Variants in IKBKB observed in about 807,000 individuals in gnomAD.
The protein encoded by IKBKB is inhibitor of nuclear factor kappa-B kinase subunit beta.
Under a neutral mutation model 113.6 loss-of-function variants are expected in IKBKB, and 42 were observed. That is an observed-to-expected ratio of 0.37 (90% CI 0.29 to 0.48). The LOEUF is 0.48. Among genes scored for constraint, IKBKB ranks in the 20% least tolerant of loss-of-function variants. IKBKB has a pLI of 0.99. For missense variants in IKBKB, 673 were observed against 939.7 expected (o/e 0.72, Z 3.71); for synonymous variants, 296 against 361.3 (o/e 0.82, Z 2.05).
intron 19 of IKBKB, among the ~76,000 whole-genome samples, chr8:42,323,868 T>C (rs901416798): frequency 6.6e-6 from 1 of 152,146 alleles, no homozygotes; most frequent in African/African-American, 2.4e-5. Flanking sequence ...ATTTACTGAA[T>C]GCTAACTATA....
Position 42,331,256 on chromosome 8 carries a change from T to C in IKBKB, c.*277T>C. The C allele has an allele frequency of 1.4e-6, 1 of 703,056 alleles. No homozygotes were observed. The allele number at this position is 703,056 out of a possible 1,614,324, so 43.6% of individuals were successfully genotyped here. A position where few individuals can be genotyped will look rare whatever the true frequency, so the allele number is the denominator to read the frequency against. Reference sequence around the variant, plus strand: ...CGGCGCCTTGTCTGCACACTGGAGGTCCTCCATTACAGAGGCCCAGCGCAC... The same window carrying C: ...CGGCGCCTTGTCTGCACACTGGAGGCCCTCCATTACAGAGGCCCAGCGCAC... On this transcript the variant is annotated 3_prime_UTR_variant, in exon 22 of 22. Transcript: ENST00000520810.
intron 20 of IKBKB, among the ~76,000 whole-genome samples, chr8:42,327,374 C>A (rs1820964271): frequency 7.6e-6 from 1 of 131,776 alleles, no homozygotes; most frequent in African/African-American, 2.7e-5. Context: ...TGCTCTGTTG[C>A]CCAGGCTGGA....
intron 5 of IKBKB, among the ~76,000 whole-genome samples, chr8:42,298,781 CCTCT>C (rs1047252578): frequency 3.3e-5 from 5 of 152,094 alleles, no homozygotes; most frequent in African/African-American, 1.2e-4. Flanking sequence ...GCCCCGTCTC[CCTCT>C]AACAACTCCA....
At chr8:42,272,718 T>A (rs998461855) in intron 2 of IKBKB, among the ~76,000 whole-genome samples, 2 of 151,874 alleles carry the variant, frequency 1.3e-5, no homozygotes, top group Non-Finnish European at 2.9e-5. Flanking sequence ...GGCAGGCGGA[T>A]CACGCAGTCA....
Position 42,326,028 on chromosome 8 carries a change from G to C in IKBKB, c.2045G>C (p.Ser682Thr). The change falls in exon 20 of 22, where the codon AGC becomes ACC. Residue 682 changes from serine (S) to threonine (T), a missense_variant. Around this residue, in one of 2 missense-constraint regions of IKBKB, gnomAD observed 506 missense variants for 638.7 expected, o/e 0.79. Coordinates refer to ENST00000520810, the MANE Select transcript of IKBKB (RefSeq NM_001556.3). ...SPDSMNASRLSQPGQLMSQPS... is the reference protein window; with the variant it reads ...SPDSMNASRLTQPGQLMSQPS... ...GATAGCATGAATGCCTCTCGACTTAGCCAGCCTGGGCAGCTGATGTCTCAG... is the reference window on the plus strand; with the variant it reads ...GATAGCATGAATGCCTCTCGACTTACCCAGCCTGGGCAGCTGATGTCTCAG... 1 of 1,614,234 alleles carries C rather than the reference G, an allele frequency of 6.2e-7. No individual in the cohort carries two copies. The highest frequency in any genetic ancestry group is 1.1e-5 in the South Asian group (1 of 91,090).
intron 12 of IKBKB, among the ~76,000 whole-genome samples, chr8:42,318,229 G>A (rs1819058802): frequency 6.6e-6 from 1 of 151,326 alleles, no homozygotes; most frequent in Admixed American, 6.6e-5. Flanking sequence ...CCCACTGCAT[G>A]CCAGCCTGGG....
chr8:42,327,132 C>T (rs1820895639), intron 20 of IKBKB, among the ~76,000 whole-genome samples: 1 of 152,180 alleles, frequency 6.6e-6, no homozygotes. Context: ...TCAATACAGT[C>T]TGCTTTGAAG....
intron 11 of IKBKB, among the ~76,000 whole-genome samples, chr8:42,317,453 G>T (rs959121801): frequency 6.6e-6 from 1 of 152,176 alleles, no homozygotes; most frequent in Admixed American, 6.5e-5. Flanking sequence ...GAGTAAAATA[G>T]AATGTAATAC....
intron 5 of IKBKB, among the ~76,000 whole-genome samples, chr8:42,304,151 C>T (rs1213503209): frequency 1.3e-5 from 2 of 152,248 alleles, no homozygotes; most frequent in African/African-American, 2.4e-5. Context: ...TATTCTTGTT[C>T]GTTTCCAGAC....
At chr8:42,314,919 T>C (rs1818392351) in intron 9 of IKBKB, among the ~76,000 whole-genome samples, 1 of 152,206 alleles carries the variant, frequency 6.6e-6, no homozygotes, top group African/African-American at 2.4e-5. Flanking sequence ...TCCTCCCTTA[T>C]CTCCCTAGAA....
At chr8:42,279,908 G>A (rs1392633468) in intron 2 of IKBKB, among the ~76,000 whole-genome samples, 1 of 152,184 alleles carries the variant, frequency 6.6e-6, no homozygotes, top group East Asian at 1.9e-4. Flanking sequence ...GAGTGCAGTG[G>A]CTCGATCAGG....
chr8:42,322,214 CT>C (rs1411225182), intron 18 of IKBKB, 61 bp downstream of exon 18: 1 of 1,556,094 alleles, frequency 6.4e-7, no homozygotes, highest in Non-Finnish European at 8.9e-7. Context: ...ATGAGGTCAC[CT>C]TCCTCCCTCC....
At position 42,309,041 on chromosome 8, in the gene IKBKB, G is replaced by C. The variant is rs199613105; in HGVS notation, c.692+16G>C. 36 of 1,610,710 alleles carry C rather than the reference G, an allele frequency of 2.2e-5. No individual in the cohort carries two copies. Among genetic ancestry groups the C allele is most frequent in the African/African-American group, 2.1e-4 (16 of 74,888 alleles). On this transcript the variant is annotated intron_variant, in intron 8 of 21. Transcript: ENST00000520810. ...CCGTGCAGTGGTGAGTGGGCCCGGG[G>C]CACCTGGATGGAGGAGGGAGCCTGT...
intron 5 of IKBKB, 113 bp downstream of exon 5, chr8:42,293,625 G>T: frequency 6.3e-7 from 1 of 1,582,032 alleles, no homozygotes; most frequent in Non-Finnish European, 8.6e-7. Context: ...CTCTGTGGAA[G>T]GGGAATGGGA....
intron 21 of IKBKB, chr8:42,329,509 T>C: frequency 1.1e-6 from 1 of 872,274 alleles, no homozygotes; most frequent in East Asian, 1.2e-4. Context: ...TGTATATTTA[T>C]AATTTTCTAG....
chr8:42,284,119 A>C (rs975031256), intron 2 of IKBKB, among the ~76,000 whole-genome samples: 1 of 152,316 alleles, frequency 6.6e-6, no homozygotes, highest in East Asian at 1.9e-4. Flanking sequence ...AGAATGGGTA[A>C]TTTATAATGA....
intron 20 of IKBKB, 188 bp downstream of exon 20, chr8:42,326,285 A>C: frequency 4.7e-6 from 3 of 642,988 alleles, no homozygotes; most frequent in South Asian, 2.0e-5. Flanking sequence ...CTTGAAACTT[A>C]CTAACTAGTT....
At chr8:42,328,247 CTTT>C (rs59970761) in intron 20 of IKBKB, among the ~76,000 whole-genome samples, 5 of 132,528 alleles carry the variant, frequency 3.8e-5, no homozygotes, top group Non-Finnish European at 4.9e-5. Context: ...GCACCCGGCC[CTTT>C]TTTTTTTTTT....
At chr8:42,320,877 A>G (rs1585789690) in intron 16 of IKBKB, 33 bp downstream of exon 16, 1 of 1,392,950 alleles carries the variant, frequency 7.2e-7, no homozygotes, top group Non-Finnish European at 9.9e-7. Flanking sequence ...CTCTGTGCCC[A>G]GCACACACAG....
Sources: allele counts gnomAD v4.1 joint callset (sites outside exome capture counted in the v4.1 genomes callset), GRCh38; gene constraint gnomAD v4.1.1; regional missense constraint gnomAD v4.1.1; transcripts MANE v1.5; gene names NCBI Gene and HGNC (gene_info 2026-07-23, HGNC 2026-07-21).